Variants in CRTAP observed in about 807,000 individuals in gnomAD.
CRTAP encodes the protein cartilage associated protein.
CRTAP carries 33 observed loss-of-function variants against 42.7 expected under a neutral mutation model. The ratio of observed to expected loss-of-function variants is 0.77; its 90% CI spans 0.59 to 1.03. The LOEUF (loss-of-function observed/expected upper bound fraction) is 1.03, where lower values mean the gene tolerates loss of function less well. Among genes scored for constraint, CRTAP ranks in the 50% least tolerant of loss-of-function variants. The pLI, the probability that CRTAP is intolerant of heterozygous loss-of-function variation, is 0.00. For missense variants in CRTAP, 613 were observed against 533.9 expected (o/e 1.15, Z -1.46); for synonymous variants, 243 against 217.7 (o/e 1.12, Z -1.02).
intron 3 of CRTAP, among the ~76,000 whole-genome samples, chr3:33,126,096 T>C (rs2030059509): frequency 6.6e-6 from 1 of 152,200 alleles, no homozygotes; most frequent in Non-Finnish European, 1.5e-5. Context: ...TTTCCCCAAA[T>C]TGAAACTCTG....
chr3:33,141,095 T>G (rs546645315), intron 6 of CRTAP, among the ~76,000 whole-genome samples: 1 of 152,278 alleles, frequency 6.6e-6, no homozygotes, highest in African/African-American at 2.4e-5. Context: ...TCACAGGAGT[T>G]GGGGATGAGT....
intron 1 of CRTAP, among the ~76,000 whole-genome samples, chr3:33,115,976 G>C (rs1466018735): frequency 6.6e-6 from 1 of 152,172 alleles, no homozygotes; most frequent in Non-Finnish European, 1.5e-5. Context: ...TAAAATTCCA[G>C]AATGTTGAAA....
rs1198056046 is a variant in CRTAP at position 33,143,984 on chromosome 3, G to A, written c.*1536G>A. 6.6e-6 allele frequency: 1 copy of A among 152,238 alleles called. No individual in the cohort carries two copies. The highest frequency in any genetic ancestry group is 1.5e-5 in the Non-Finnish European group (1 of 68,088). 9.4% of individuals were successfully genotyped at this position (152,238 alleles called of 1,614,324 possible). On this transcript the variant is annotated 3_prime_UTR_variant, in exon 7 of 7. Coordinates refer to ENST00000320954, the MANE Select transcript of CRTAP (RefSeq NM_006371.5). The stretch of plus-strand genomic sequence containing the variant: ...GGAACCACTGGAGGGTTTGAACAGA[G>A]GAGTGCCTTGATTGATTTATATTTT...
chr3:33,120,916 C>CT (rs1346558656), intron 2 of CRTAP, among the ~76,000 whole-genome samples: 2 of 152,084 alleles, frequency 1.3e-5, no homozygotes, highest in African/African-American at 2.4e-5. Flanking sequence ...AAAATGAAGA[C>CT]GAGTTAGGAA....
chr3:33,114,162 G>A lies in CRTAP; in HGVS notation c.85G>A (p.Glu29Lys), dbSNP rs766784647. 6 of 1,587,098 alleles carry A rather than the reference G, an allele frequency of 3.8e-6. No homozygotes were observed. The highest frequency in any genetic ancestry group is 1.7e-5 in the Admixed American group (1 of 58,940). ...CALRAGRAQY[E>K]RYSFRSFPRD... ...GCTGCGCGCCGGGCGCGCCCAATACGAACGCTACAGCTTCCGCAGCTTCCC... is the reference window on the plus strand; with the variant it reads ...GCTGCGCGCCGGGCGCGCCCAATACAAACGCTACAGCTTCCGCAGCTTCCC... Residue 29 changes from glutamate (E) to lysine (K), a missense_variant, in exon 1 of 7, where the codon GAA becomes AAA. Coordinates refer to ENST00000320954, the MANE Select transcript of CRTAP (RefSeq NM_006371.5).
intron 1 of CRTAP, among the ~76,000 whole-genome samples, chr3:33,118,148 A>T (rs570422993): frequency 6.6e-6 from 1 of 151,970 alleles, no homozygotes; most frequent in Admixed American, 6.6e-5. Flanking sequence ...TTTAGTAGAG[A>T]TGGGGTTTCA....
intron 3 of CRTAP, among the ~76,000 whole-genome samples, chr3:33,127,095 G>A (rs2030093388): frequency 9.1e-6 from 1 of 109,858 alleles, no homozygotes. Context: ...AGAGAGATTT[G>A]TGGCTTTTTT....
At position 33,142,377 on chromosome 3, in the gene CRTAP, T is replaced by C. The variant is rs1454567756; in HGVS notation, c.1153-18T>C. ...TCCAATAGCCCATTTAATAAAGTTG[T>C]CCTGTTGTCTCTTACAGGGAGAAGT... On this transcript the variant is annotated intron_variant, in intron 6 of 6. Transcript: ENST00000320954. The C allele has an allele frequency of 6.2e-7, 1 of 1,611,070 alleles. No homozygotes were observed. The highest frequency in any genetic ancestry group is 1.3e-5 in the African/African-American group (1 of 74,878).
At chr3:33,141,926 TC>T (rs1278331364) in intron 6 of CRTAP, among the ~76,000 whole-genome samples, 1 of 152,196 alleles carries the variant, frequency 6.6e-6, no homozygotes, top group Non-Finnish European at 1.5e-5. Context: ...CAATCATTCA[TC>T]CTTCAACACA....
At chr3:33,119,987 C>T (rs1193460310) in intron 1 of CRTAP, among the ~76,000 whole-genome samples, 22 of 152,344 alleles carry the variant, frequency 1.4e-4, no homozygotes, top group Non-Finnish European at 3.1e-4. Flanking sequence ...CATGACCTTA[C>T]TCTCTTCCCT....
intron 1 of CRTAP, among the ~76,000 whole-genome samples, chr3:33,115,858 A>G (rs1701336450): frequency 6.6e-6 from 1 of 151,988 alleles, no homozygotes; most frequent in South Asian, 2.1e-4. Flanking sequence ...GGTTACTTCT[A>G]TACTTCTATG....
In CRTAP at chr3:33,114,371, C is replaced by G. The variant is rs1344274493; in HGVS notation, c.294C>G (p.Ala98=). Residue 98 remains alanine (A), a synonymous_variant, in exon 1 of 7, where the codon GCC becomes GCG. Coordinates refer to ENST00000320954, the MANE Select transcript of CRTAP (RefSeq NM_006371.5). ...CCGCGCCGCAGCCCGAGCCCGCCGC[C>G]GGCCTCGCCAGCTATCCCGAGCTGC... ...CSAAPQPEPA[A]GLASYPELRL... 2 of 1,524,142 alleles carry G rather than the reference C, an allele frequency of 1.3e-6. No individual in the cohort carries two copies. Among genetic ancestry groups the G allele is most frequent in the Non-Finnish European group, 8.8e-7 (1 of 1,141,880 alleles). The allele number at this position is 1,524,142 out of a possible 1,614,324, so 94.4% of individuals were successfully genotyped here. A position where few individuals can be genotyped will look rare whatever the true frequency, so the allele number is the denominator to read the frequency against.
intron 4 of CRTAP, among the ~76,000 whole-genome samples, chr3:33,131,265 C>T (rs1424659065): frequency 2.1e-5 from 3 of 141,724 alleles, no homozygotes; most frequent in African/African-American, 5.4e-5. Context: ...TTTTTTTTTG[C>T]GGGGGGGGGT....
At chr3:33,131,470 C>T (rs2030261506) in intron 4 of CRTAP, among the ~76,000 whole-genome samples, 1 of 152,220 alleles carries the variant, frequency 6.6e-6, no homozygotes, top group Non-Finnish European at 1.5e-5. Context: ...CATGCGGGCT[C>T]TGGCAGCTCC....
Position 33,142,689 on chromosome 3 carries a change from C to G in CRTAP, c.*241C>G, listed in dbSNP as rs915027364. On this transcript the variant is annotated 3_prime_UTR_variant, in exon 7 of 7. Transcript: ENST00000320954. ...CTTTTTTTTGAGATGGAGTCTCGCT[C>G]TCTTGCCCAGGCTGGAGTGCAATGG... 2 of 486,424 alleles carry G rather than the reference C, an allele frequency of 4.1e-6. No homozygotes were observed. The highest frequency in any genetic ancestry group is 3.9e-5 in the African/African-American group (2 of 51,162). 30.1% of individuals were successfully genotyped at this position (486,424 alleles called of 1,614,324 possible).
At chr3:33,114,758 A>G (rs1045068688) in intron 1 of CRTAP, among the ~76,000 whole-genome samples, 1 of 152,194 alleles carries the variant, frequency 6.6e-6, no homozygotes, top group Non-Finnish European at 1.5e-5. Flanking sequence ...GGGTAACTCT[A>G]AGGTAGAGAA....
intron 1 of CRTAP, among the ~76,000 whole-genome samples, chr3:33,117,176 C>T (rs184157423): frequency 2.6e-5 from 4 of 152,268 alleles, no homozygotes; most frequent in African/African-American, 9.6e-5. Context: ...GTGGCAGGCA[C>T]ATACATTCTA....
At chr3:33,132,466 T>G in intron 4 of CRTAP, 89 bp from the exon 5 acceptor site, 35 of 1,505,858 alleles carry the variant, frequency 2.3e-5, no homozygotes, top group East Asian at 4.6e-5. Context: ...GAGAAGGGGC[T>G]TGTTCATATG....
chr3:33,135,446 G>A (rs1575519496), intron 6 of CRTAP, among the ~76,000 whole-genome samples: 1 of 152,238 alleles, frequency 6.6e-6, no homozygotes, highest in East Asian at 1.9e-4. Flanking sequence ...GGGCAACATG[G>A]TAAAACCTCG....
Sources: gnomAD v4.1 joint callset for allele counts (sites outside exome capture counted in the v4.1 genomes callset) on GRCh38, gnomAD v4.1.1 for gene constraint, MANE v1.5 for transcripts, NCBI Gene and HGNC (gene_info 2026-07-23, HGNC 2026-07-21) for gene names.